Variants in USP50 observed in about 807,000 individuals in gnomAD.
USP50 encodes the protein ubiquitin carboxyl-terminal hydrolase 50.
USP50 carries 37 observed loss-of-function variants against 39.2 expected under a neutral mutation model. The ratio of observed to expected loss-of-function variants is 0.94; its 90% confidence interval spans 0.73 to 1.24. USP50 has a LOEUF of 1.24. Ranked by LOEUF, USP50 falls within the 50% of genes most tolerant of loss-of-function variation. The probability of loss-of-function intolerance (pLI) is 0.00; values close to 1 mark genes in which losing one functional copy is unlikely to be tolerated. For synonymous variants in USP50, 139 were observed against 144.5 expected (o/e 0.96, Z 0.27); for missense variants, 374 against 398.2 (o/e 0.94, Z 0.52).
chr15:50,500,361 ATT>A (rs2052561309), downstream of USP50: 1 of 158,432 alleles, frequency 6.3e-6, no homozygotes, highest in African/African-American at 2.4e-5. Flanking sequence ...ATTATGAGAT[ATT>A]TTCTGATAAA....
At chr15:50,542,481 ATTTTTTTTTT>A (rs11292495) in intron 3 of USP50, among the ~76,000 whole-genome samples, 2 of 97,396 alleles carry the variant, frequency 2.1e-5, no homozygotes, top group East Asian at 6.1e-4. Context: ...TTTCCTTTTC[ATTTTTTTTTT>A]TTTTTTTTTT....
intron 5 of USP50, among the ~76,000 whole-genome samples, chr15:50,533,669 T>C (rs1311994505): frequency 6.6e-6 from 1 of 151,860 alleles, no homozygotes; most frequent in African/African-American, 2.4e-5. Flanking sequence ...CAAAGAAAAA[T>C]TAAGGGAATT....
intron 6 of USP50, among the ~76,000 whole-genome samples, chr15:50,514,993 C>CCA: frequency 2.2e-5 from 1 of 45,028 alleles, no homozygotes; most frequent in Non-Finnish European, 4.9e-5. Flanking sequence ...GAGACACAGT[C>CCA]TAAAAAAAAA....
chr15:50,532,867 T>G (rs993802768), intron 5 of USP50, among the ~76,000 whole-genome samples: 32 of 152,146 alleles, frequency 2.1e-4, no homozygotes, highest in African/African-American at 7.7e-4. Context: ...TTCTTTTCTT[T>G]TAACTACTAG....
At chr15:50,507,152 A>C (rs1330873916) in intron 6 of USP50, 2 of 152,310 alleles carry the variant, frequency 1.3e-5, no homozygotes, top group African/African-American at 4.8e-5. Context: ...GTCTGGTGGC[A>C]CATGCCAGTA....
At chr15:50,522,659 T>C (rs896582258) in intron 6 of USP50, among the ~76,000 whole-genome samples, 2 of 152,154 alleles carry the variant, frequency 1.3e-5, no homozygotes, top group African/African-American at 4.8e-5. Context: ...TTCAACATCA[T>C]ATTTTTTATT....
At chr15:50,525,990 A>G (rs1193094176) in intron 6 of USP50, among the ~76,000 whole-genome samples, 2 of 152,126 alleles carry the variant, frequency 1.3e-5, no homozygotes, top group East Asian at 1.9e-4. Context: ...AATTCGGGTA[A>G]TGGTTACATC....
At chr15:50,535,278 T>C (rs2052971244) in intron 5 of USP50, among the ~76,000 whole-genome samples, 1 of 152,118 alleles carries the variant, frequency 6.6e-6, no homozygotes, top group Non-Finnish European at 1.5e-5. Context: ...AGTAAGGACA[T>C]AGTTAAACTC....
At chr15:50,528,421 T>C (rs969567337) in intron 6 of USP50, among the ~76,000 whole-genome samples, 1 of 152,134 alleles carries the variant, frequency 6.6e-6, no homozygotes, top group South Asian at 2.1e-4. Context: ...GAATTATTAA[T>C]ACAAGAGGGA....
chr15:50,497,399 C>A, downstream of USP50: 1 of 719,398 alleles, frequency 1.4e-6, no homozygotes, highest in Non-Finnish European at 2.0e-6. Context: ...GTTAGTTCAC[C>A]TCAGTGTTTT....
At chr15:50,527,922 C>A (rs190378853) in intron 6 of USP50, among the ~76,000 whole-genome samples, 2 of 152,212 alleles carry the variant, frequency 1.3e-5, no homozygotes, top group African/African-American at 4.8e-5. Context: ...TAGATGTGAG[C>A]CACCATGCTC....
intron 6 of USP50, among the ~76,000 whole-genome samples, chr15:50,527,471 T>C (rs1167942678): frequency 1.3e-5 from 2 of 151,884 alleles, no homozygotes; most frequent in African/African-American, 4.8e-5. Context: ...CCTCCCAAAG[T>C]GCTGGGATTA....
downstream of USP50, chr15:50,500,346 ATATGAT>A (rs148309488): frequency 0.01 from 1,630 of 157,698 alleles, 28 homozygotes; most frequent in African/African-American, 0.036. Context: ...TGTTGAATAT[ATATGAT>A]TATGAGATAT....
intron 3 of USP50, 43 bp from the exon 4 acceptor site, chr15:50,541,307 T>C: frequency 6.5e-7 from 1 of 1,548,116 alleles, no homozygotes. Context: ...TTATTGGTTA[T>C]TTAAAAAAGA....
chr15:50,499,254 C>A, downstream of USP50: 1 of 530,902 alleles, frequency 1.9e-6, no homozygotes, highest in Middle Eastern at 5.4e-4. Context: ...TGACAAATAA[C>A]ATTTAACAAG....
chr15:50,540,289 A>T (rs1196235816), intron 4 of USP50, among the ~76,000 whole-genome samples: 2 of 152,158 alleles, frequency 1.3e-5, no homozygotes, highest in Non-Finnish European at 1.5e-5. Flanking sequence ...AAGGCACTAG[A>T]TTCCATTCTC....
downstream of USP50, chr15:50,497,184 G>GAT: frequency 6.2e-7 from 1 of 1,611,052 alleles, no homozygotes; most frequent in Non-Finnish European, 8.5e-7. Flanking sequence ...CTCTAAAAAA[G>GAT]ATAGAAATCT....
Position 50,500,642 on chromosome 15 carries a change from A to G in USP50, c.*127T>C, listed in dbSNP as rs2052566203. 1.1e-6 allele frequency: 1 copy of G among 874,986 alleles called. No individual in the cohort carries two copies. 54.2% of individuals were successfully genotyped at this position (874,986 alleles called of 1,614,324 possible). ...TGTTTTGCAGTGTTCAGGAAACACC[A>G]TTTTCCTGGCTCTTAACGCTTTTGT... On this transcript the variant is annotated 3_prime_UTR_variant, in exon 7 of 7. Coordinates refer to ENST00000532404, the MANE Select transcript of USP50 (RefSeq NM_203494.5).
intron 5 of USP50, among the ~76,000 whole-genome samples, chr15:50,535,160 C>CA (rs1273471843): frequency 1.3e-5 from 2 of 151,940 alleles, no homozygotes; most frequent in African/African-American, 4.8e-5. Context: ...CACACACACA[C>CA]ACACAAAAAT....
Sources: allele counts gnomAD v4.1 joint callset (sites outside exome capture counted in the v4.1 genomes callset), GRCh38; gene constraint gnomAD v4.1.1; transcripts MANE v1.5; gene names NCBI Gene and HGNC (gene_info 2026-07-23, HGNC 2026-07-21).